The following VOPP1 variants were observed in gnomAD, a reference collection of about 807,000 sequenced individuals.
VOPP1 encodes the protein VOPP1 WW domain binding protein.
In VOPP1, 8 loss-of-function variants were observed where a neutral mutation model predicts 23.5. The observed-to-expected ratio is 0.34, with a 90% CI of 0.20 to 0.61. The LOEUF (loss-of-function observed/expected upper bound fraction) is 0.61. Ranked by LOEUF, VOPP1 falls within the 20% of genes least tolerant of loss-of-function variation. VOPP1 has a pLI of 0.78. For missense variants in VOPP1, 174 were observed against 238.1 expected, an observed-to-expected ratio of 0.73 and a Z score of 1.77; for synonymous variants, 83 against 97.3, an observed-to-expected ratio of 0.85 and a Z score of 0.86.
At chr7:55,495,547 C>A (rs34895650) in intron 3 of VOPP1, among the ~76,000 whole-genome samples, 1 of 152,206 alleles carries the variant, frequency 6.6e-6, no homozygotes, top group Non-Finnish European at 1.5e-5. Context: ...CCCTCTCTGA[C>A]GACCCAGTCA....
intron 2 of VOPP1, among the ~76,000 whole-genome samples, chr7:55,506,551 G>A (rs1794738867): frequency 6.6e-6 from 1 of 151,832 alleles, no homozygotes; most frequent in Non-Finnish European, 1.5e-5. Context: ...TGGCCAGGCT[G>A]GTCTCAAACT....
At chr7:55,459,780 A>T (rs569254493) in intron 4 of VOPP1, among the ~76,000 whole-genome samples, 45 of 151,402 alleles carry the variant, frequency 3.0e-4, no homozygotes, top group Admixed American at 4.6e-4. Flanking sequence ...TCTAGCTAGG[A>T]GGTTTATCAA....
At chr7:55,554,153 TC>T (rs1797722887) in intron 1 of VOPP1, among the ~76,000 whole-genome samples, 1 of 152,230 alleles carries the variant, frequency 6.6e-6, no homozygotes, top group South Asian at 2.1e-4. Context: ...TGAGAGATAG[TC>T]CCTAAAACTT....
At chr7:55,455,219 A>G (rs1472772006) in intron 4 of VOPP1, among the ~76,000 whole-genome samples, 1 of 152,220 alleles carries the variant, frequency 6.6e-6, no homozygotes, top group Non-Finnish European at 1.5e-5. Flanking sequence ...TGCTACAAAG[A>G]AAATAAAATA....
At chr7:55,510,705 C>T (rs938788480) in intron 2 of VOPP1, among the ~76,000 whole-genome samples, 54 of 152,118 alleles carry the variant, frequency 3.5e-4, no homozygotes, top group African/African-American at 1.2e-3. Context: ...GTCTCAGCCC[C>T]TCAGACGGCG....
rs143998941 is a variant in VOPP1, at chr7:55,564,884, G to A, written c.54+7387C>T. ...TACTCAAAGACTCCCAGGCAACTCC[G>A]AAGGAGTTGAGATTCTGTAATACAT... On this transcript the variant is annotated intron_variant, in intron 1 of 4. Coordinates refer to ENST00000285279, the MANE Select transcript of VOPP1 (RefSeq NM_030796.5). Among the ~76,000 whole-genome samples, 14 of 152,224 alleles carry A rather than the reference G, an allele frequency of 9.2e-5. No individual in the cohort carries two copies. In the South Asian group the frequency reaches 2.3e-3, roughly 25 times the overall value.
At position 55,553,453 on chromosome 7, in the gene VOPP1, G is replaced by A. The variant is rs150317316; in HGVS notation, c.54+18818C>T. ...GACCCAAAGGTCACTAGGCTTGGCT[G>A]TAAACTCCAATTCATTTACCATAAA... On this transcript the variant is annotated intron_variant, in intron 1 of 4. Coordinates refer to ENST00000285279, the MANE Select transcript of VOPP1 (RefSeq NM_030796.5). Among the ~76,000 whole-genome samples, 728 of 152,222 alleles carry A rather than the reference G, an allele frequency of 4.8e-3. 6 individuals carry two copies. Among genetic ancestry groups the A allele is most frequent in the African/African-American group, 0.016 (669 of 41,538 alleles).
chr7:55,443,748 G>A (rs1218967238), intron 4 of VOPP1, among the ~76,000 whole-genome samples: 33 of 149,248 alleles, frequency 2.2e-4, no homozygotes, highest in Admixed American at 2.1e-3. Context: ...GGGTTCAAGC[G>A]ATTCTCCTCC....
At chr7:55,553,805 A>T (rs928153559) in intron 1 of VOPP1, 23 of 116,582 alleles carry the variant, frequency 2.0e-4, no homozygotes, top group East Asian at 1.8e-3. Context: ...ACACACACAC[A>T]CTCACCCTCT....
intron 1 of VOPP1, among the ~76,000 whole-genome samples, chr7:55,541,774 T>TA (rs1417571494): frequency 2.0e-5 from 3 of 152,222 alleles, no homozygotes; most frequent in African/African-American, 7.2e-5. Flanking sequence ...GAAAATGAAG[T>TA]ACTGATTCAT....
At chr7:55,570,843 G>T (rs1281623024) in intron 1 of VOPP1, among the ~76,000 whole-genome samples, 1 of 152,094 alleles carries the variant, frequency 6.6e-6, no homozygotes, top group Non-Finnish European at 1.5e-5. Context: ...TGGGGAGGCT[G>T]AAGCAGGAGA....
chr7:55,502,801 GGACGTCGCAA>G (rs1311179045), intron 2 of VOPP1, among the ~76,000 whole-genome samples: 1 of 152,184 alleles, frequency 6.6e-6, no homozygotes, highest in Non-Finnish European at 1.5e-5. Context: ...CTGCTCCCAA[GGACGTCGCAA>G]GACTACACCT....
intron 1 of VOPP1, among the ~76,000 whole-genome samples, chr7:55,558,212 CAATAAT>C (rs146451899): frequency 1.3e-5 from 2 of 151,400 alleles, no homozygotes; most frequent in Admixed American, 6.6e-5. Flanking sequence ...TTATGACACA[CAATAAT>C]AATAATAATA....
intron 2 of VOPP1, among the ~76,000 whole-genome samples, chr7:55,520,487 A>C (rs1795766359): frequency 6.6e-6 from 1 of 152,172 alleles, no homozygotes; most frequent in Admixed American, 6.5e-5. Context: ...CACGAAAACG[A>C]CAGGAAGAAA....
chr7:55,478,572 A>G (rs77947840), intron 4 of VOPP1, among the ~76,000 whole-genome samples: 1,786 of 152,342 alleles, frequency 0.012, 12 homozygotes, highest in Middle Eastern at 0.02. Flanking sequence ...GAAAGGGAGA[A>G]ACAAAAAAAT....
At chr7:55,494,065 G>C (rs964203143) in intron 3 of VOPP1, among the ~76,000 whole-genome samples, 3 of 152,164 alleles carry the variant, frequency 2.0e-5, no homozygotes, top group African/African-American at 7.2e-5. Context: ...GAGAAGGTGG[G>C]AGCAGGAGGC....
intron 4 of VOPP1, among the ~76,000 whole-genome samples, chr7:55,482,581 C>T (rs547739405): frequency 9.7e-4 from 147 of 151,502 alleles, no homozygotes; most frequent in African/African-American, 3.4e-3. Flanking sequence ...CCTCATGATC[C>T]GCCTGCCTCA....
intron 4 of VOPP1, 60 bp downstream of exon 4, chr7:55,492,222 A>C (rs1024142761): frequency 6.4e-7 from 1 of 1,550,740 alleles, no homozygotes; most frequent in African/African-American, 1.4e-5. Context: ...AGTACCCTTT[A>C]TAAATGTTGG....
chr7:55,435,042 G>C (rs185061575), downstream of VOPP1, among the ~76,000 whole-genome samples: 1 of 152,182 alleles, frequency 6.6e-6, no homozygotes, highest in Non-Finnish European at 1.5e-5. Context: ...TCCCTAAGAC[G>C]TCTTTACAAA....
Sources: gnomAD v4.1 joint callset for allele counts (sites outside exome capture counted in the v4.1 genomes callset) on GRCh38, gnomAD v4.1.1 for gene constraint, MANE v1.5 for transcripts, NCBI Gene and HGNC (gene_info 2026-07-23, HGNC 2026-07-21) for gene names.